Variants in NEURL1 observed in about 807,000 individuals in gnomAD.
NEURL1 encodes the protein E3 ubiquitin-protein ligase NEURL1.
NEURL1 carries 26 observed loss-of-function variants against 41.2 expected under a neutral mutation model. The observed-to-expected ratio is 0.63, with a 90% CI of 0.46 to 0.87. The LOEUF (loss-of-function observed/expected upper bound fraction) is 0.87. NEURL1 is among the 40% of genes least tolerant of loss of function. The pLI is 0.00. For synonymous variants in NEURL1, 400 were observed against 402.3 expected (o/e 0.99, Z 0.07); for missense variants, 761 against 871.1 (o/e 0.87, Z 1.59).
intron 1 of NEURL1, among the ~76,000 whole-genome samples, chr10:103,537,138 G>A (rs2034709697): frequency 6.6e-6 from 1 of 152,090 alleles, no homozygotes; most frequent in African/African-American, 2.4e-5. Flanking sequence ...TTGTATGTAT[G>A]TGCCACATTT....
chr10:103,559,739 C>T (rs184596521), intron 1 of NEURL1, among the ~76,000 whole-genome samples: 16 of 152,236 alleles, frequency 1.1e-4, no homozygotes, highest in Non-Finnish European at 1.5e-4. Flanking sequence ...AAGGGCAGTA[C>T]ACCTGGTACA....
chr10:103,500,535 A>C (rs572366123), intron 1 of NEURL1, among the ~76,000 whole-genome samples: 1 of 151,948 alleles, frequency 6.6e-6, no homozygotes, highest in East Asian at 1.9e-4. Context: ...GAGATGGGGG[A>C]GTAATTTTTG....
intron 1 of NEURL1, among the ~76,000 whole-genome samples, chr10:103,527,495 A>G (rs1486201240): frequency 6.6e-6 from 1 of 151,940 alleles, no homozygotes; most frequent in African/African-American, 2.4e-5. Flanking sequence ...GGGTTTCACC[A>G]TGTTGGCCAG....
intron 1 of NEURL1, among the ~76,000 whole-genome samples, chr10:103,523,606 C>G (rs1466623580): frequency 1.3e-5 from 2 of 152,196 alleles, no homozygotes; most frequent in Non-Finnish European, 2.9e-5. Flanking sequence ...CCCTCTCCCC[C>G]TTCCTTTTCC....
intron 3 of NEURL1, among the ~76,000 whole-genome samples, chr10:103,578,869 G>C (rs977278641): frequency 1.3e-5 from 2 of 152,184 alleles, no homozygotes; most frequent in African/African-American, 4.8e-5. Context: ...TGCCAGATGC[G>C]GACCAGCAGG....
Position 103,584,865 on chromosome 10 carries a change from T to C in NEURL1, c.979T>C (p.Phe327Leu), listed in dbSNP as rs1220784776. ...CGGGCGCGACGAGCGCGCGCTCGTC[T>C]TCACCAGCCGGCCCGTGCGCGTGGC... The part of the protein sequence containing the change: ...EHGRDERALV[F>L]TSRPVRVAET... The change falls in exon 4 of 6, where the codon TTC (phenylalanine) becomes CTC (leucine). Residue 327 changes from phenylalanine (F) to leucine (L), a missense_variant. Around this residue, in one of 5 missense-constraint regions of NEURL1, gnomAD observed 443 missense variants for 408.1 expected, o/e 1.09. Coordinates refer to ENST00000369780, the MANE Select transcript of NEURL1 (RefSeq NM_004210.5). 1.1e-5 allele frequency: 15 copies of C among 1,366,512 alleles called. No homozygotes were observed. Among genetic ancestry groups the C allele is most frequent in the African/African-American group, 1.6e-5 (1 of 63,604 alleles). 84.6% of individuals were successfully genotyped at this position (1,366,512 alleles called of 1,614,324 possible). A position where few individuals can be genotyped will look rare whatever the true frequency, so the allele number is the denominator to read the frequency against.
chr10:103,573,342 AG>A (rs760344760), intron 3 of NEURL1, among the ~76,000 whole-genome samples: 8 of 152,038 alleles, frequency 5.3e-5, no homozygotes, highest in Non-Finnish European at 1.0e-4. Context: ...CATGTCCCTG[AG>A]CTACAGAGAC....
intron 1 of NEURL1, among the ~76,000 whole-genome samples, chr10:103,541,272 C>T (rs1027518537): frequency 4.6e-5 from 7 of 152,040 alleles, no homozygotes; most frequent in African/African-American, 1.5e-4. Flanking sequence ...TACATGCCTA[C>T]ATACATACAT....
At chr10:103,494,983 C>T (rs1177862733) in intron 1 of NEURL1, among the ~76,000 whole-genome samples, 1 of 152,140 alleles carries the variant, frequency 6.6e-6, no homozygotes, top group Admixed American at 6.5e-5. Context: ...CCTTTGCAGC[C>T]GTTGGGTTTT....
At chr10:103,557,119 G>A (rs2035173157) in intron 1 of NEURL1, among the ~76,000 whole-genome samples, 2 of 152,238 alleles carry the variant, frequency 1.3e-5, no homozygotes, top group East Asian at 1.9e-4. Context: ...GCTAGTAATA[G>A]CACCCTCCTT....
At position 103,566,359 on chromosome 10, in the gene NEURL1, G is replaced by A. The variant is rs944428459; in HGVS notation, c.86-4513G>A. On this transcript the variant is annotated intron_variant, in intron 1 of 5. Coordinates refer to ENST00000369780, the MANE Select transcript of NEURL1 (RefSeq NM_004210.5). This position sits in a 1 kb window ranked among gnomAD's most constrained non-coding sequence, Gnocchi z 4.2. ...ATAAAAACTTCCTTCCTGCCTCTTT[G>A]TAGTCAAATCTCTCCCCTACTCTCC... Among the ~76,000 whole-genome samples, 1 of 152,100 alleles carries A rather than the reference G, an allele frequency of 6.6e-6. No homozygotes were observed. The highest frequency in any genetic ancestry group is 6.5e-5 in the Admixed American group (1 of 15,268).
At position 103,589,392 on chromosome 10, in the gene NEURL1, G is replaced by A. The variant is rs866334044; in HGVS notation, c.1340-122G>A. The A allele has an allele frequency of 1.1e-4, 122 of 1,111,180 alleles. No individual in the cohort carries two copies. In the Middle Eastern group the frequency reaches 1.9e-3, roughly 17 times the overall value. 68.8% of individuals were successfully genotyped at this position (1,111,180 alleles called of 1,614,324 possible). The stretch of plus-strand genomic sequence containing the variant: ...TCCCCGCGCCAGCCTGCAAAATCCC[G>A]CTCTTGGCCCTGTGGCTGGGCTGTG... On this transcript the variant is annotated intron_variant, in intron 4 of 5. Coordinates refer to ENST00000369780, the MANE Select transcript of NEURL1 (RefSeq NM_004210.5).
chr10:103,587,760 G>T (rs964490414), intron 4 of NEURL1, among the ~76,000 whole-genome samples: 2 of 152,222 alleles, frequency 1.3e-5, no homozygotes, highest in African/African-American at 4.8e-5. Flanking sequence ...TCTGGCCAAT[G>T]CAACAAGGCA....
At chr10:103,583,257 C>G (rs1019170376) in intron 3 of NEURL1, among the ~76,000 whole-genome samples, 1 of 152,100 alleles carries the variant, frequency 6.6e-6, no homozygotes, top group Non-Finnish European at 1.5e-5. Flanking sequence ...CCATGAATGG[C>G]TTCATGTAGT....
Position 103,537,851 on chromosome 10 carries a change from C to G in NEURL1, c.86-33021C>G, listed in dbSNP as rs548967254. Among the ~76,000 whole-genome samples, 46 of 152,176 alleles carry G rather than the reference C, an allele frequency of 3.0e-4. 1 individual carries two copies. Among genetic ancestry groups the G allele is most frequent in the Admixed American group, 4.6e-4 (7 of 15,280 alleles). ...TGAACTTAGTGGACATTTCCGTCAC[C>G]CTCACAAGTTCCCTTGTGCCTTAAA... On this transcript the variant is annotated intron_variant, in intron 1 of 5. Coordinates refer to ENST00000369780, the MANE Select transcript of NEURL1 (RefSeq NM_004210.5).
chr10:103,526,887 G>C (rs185487394), intron 1 of NEURL1, among the ~76,000 whole-genome samples: 1 of 150,516 alleles, frequency 6.6e-6, no homozygotes, highest in Non-Finnish European at 1.5e-5. Context: ...ATAGTTGTTT[G>C]TAATAGTCTC....
At chr10:103,573,490 C>A (rs559628710) in intron 3 of NEURL1, among the ~76,000 whole-genome samples, 25 of 152,236 alleles carry the variant, frequency 1.6e-4, no homozygotes, top group African/African-American at 6.0e-4. Flanking sequence ...TCATTTGTCC[C>A]CACCCATTCT....
intron 3 of NEURL1, among the ~76,000 whole-genome samples, chr10:103,578,707 TC>T (rs1249028225): frequency 1.7e-4 from 26 of 152,228 alleles, no homozygotes; most frequent in African/African-American, 6.0e-4. Context: ...TGCCCTTCCC[TC>T]TGTGAGCCCC....
In NEURL1 at chr10:103,590,496, A is replaced by G. The variant is rs1202976222; in HGVS notation, c.*124A>G. On this transcript the variant is annotated 3_prime_UTR_variant, in exon 6 of 6. Transcript: ENST00000369780. ...GGAAACTTTTCCTCCTCTATTAAAC[A>G]TGGGAAACTGAAGCCCTTGAAGGTT... The G allele has an allele frequency of 2.9e-6, 2 of 690,684 alleles. No homozygotes were observed. The highest frequency in any genetic ancestry group is 2.8e-5 in the East Asian group (1 of 35,296). 42.8% of individuals were successfully genotyped at this position (690,684 alleles called of 1,614,324 possible).
Sources: gnomAD v4.1 joint callset for allele counts (sites outside exome capture counted in the v4.1 genomes callset) on GRCh38, gnomAD v4.1.1 for gene constraint, gnomAD v4.1.1 regional missense constraint, Gnocchi (gnomAD v3.1) non-coding constraint, MANE v1.5 for transcripts, NCBI Gene and HGNC (gene_info 2026-07-23, HGNC 2026-07-21) for gene names.